The following ERCC4 variants were observed in gnomAD, a reference collection of about 807,000 sequenced individuals.
ERCC4 encodes DNA repair endonuclease XPF.
ERCC4 carries 65 observed loss-of-function variants against 76.9 expected under a neutral mutation model. The ratio of observed to expected loss-of-function variants is 0.84; its 90% CI spans 0.69 to 1.04. The LOEUF (loss-of-function observed/expected upper bound fraction) is 1.04, where lower values mean the gene tolerates loss of function less well. ERCC4 is among the 50% of genes least tolerant of loss of function. ERCC4 has a pLI of 0.00. For synonymous variants in ERCC4, 463 were observed against 410.1 expected, an observed-to-expected ratio of 1.13 and a Z score of -1.56; for missense variants, 1,214 against 1,128.2, an observed-to-expected ratio of 1.08 and a Z score of -1.09.
chr16:13,931,076 CGT>C lies in ERCC4; in HGVS notation c.973+187_973+188del. ...ATAGCTAATGTTTCCGCCTACTTAACGTCTGTTCTGTATAATAATAAATATTC... is the reference window on the plus strand; with the variant it reads ...ATAGCTAATGTTTCCGCCTACTTAACCTGTTCTGTATAATAATAAATATTC... On this transcript the variant is annotated intron_variant, in intron 5 of 10. Coordinates refer to ENST00000311895, the MANE Select transcript of ERCC4 (RefSeq NM_005236.3). 4.9e-6 allele frequency: 3 copies of C among 613,276 alleles called. No homozygotes were observed. The Admixed American group carries it at 8.3e-5, about 17-fold the overall frequency. The allele number at this position is 613,276 out of a possible 1,614,324, so 38.0% of individuals were successfully genotyped here.
chr16:13,928,004 G>C, intron 3 of ERCC4, 24 bp from the exon 4 acceptor site: 1 of 1,576,758 alleles, frequency 6.3e-7, no homozygotes, highest in Non-Finnish European at 8.7e-7. Context: ...CTAGAAAATT[G>C]TTGAAAAATA....
chr16:13,932,188 G>A lies in ERCC4; in HGVS notation c.1005G>A (p.Met335Ile). Residue 335 changes from methionine to isoleucine, a missense_variant, in exon 6 of 11, where the codon ATG becomes ATA. Physicochemically the swap from Met to Ile is conservative, Grantham distance 10. Transcript: ENST00000311895. ...TGTTTCTTGACTCCAGCACCTCGAT[G>A]TTTATAAATGCTCGAGCAAGGGTTT... is the stretch of plus-strand genomic sequence containing the variant. ...GWLFLDSSTS[M>I]FINARARVYH... is the part of the protein sequence containing the mutation. 2 of 1,613,474 alleles carry A rather than the reference G, an allele frequency of 1.2e-6. No homozygotes were observed. Among genetic ancestry groups the A allele is most frequent in the Non-Finnish European group, 1.7e-6 (2 of 1,179,448 alleles).
intron 2 of ERCC4, among the ~76,000 whole-genome samples, chr16:13,926,285 CA>C (rs1334019121): frequency 1.3e-5 from 2 of 152,210 alleles, no homozygotes; most frequent in African/African-American, 4.8e-5. Flanking sequence ...ATTCAGATAC[CA>C]CCTTGGTGAG....
At chr16:13,923,692 ATTAAG>A (rs1279696209) in intron 2 of ERCC4, among the ~76,000 whole-genome samples, 1 of 151,984 alleles carries the variant, frequency 6.6e-6, no homozygotes, top group Non-Finnish European at 1.5e-5. Flanking sequence ...TATTATAAGG[ATTAAG>A]TTAATAAAAT....
In ERCC4 at chr16:13,928,241, C is replaced by G; in HGVS notation, c.792+6C>G. Reference sequence around the variant, plus strand: ...TTGGAAAACCTTTTGACAAGGTACTCTTTTTCCTTTTAAGCACAGTTTATT... The same window carrying G: ...TTGGAAAACCTTTTGACAAGGTACTGTTTTTCCTTTTAAGCACAGTTTATT... On this transcript the variant is annotated splice_donor_region_variant and intron_variant, in intron 4 of 10. Coordinates refer to ENST00000311895, the MANE Select transcript of ERCC4 (RefSeq NM_005236.3). 2 of 1,573,650 alleles carry G rather than the reference C, an allele frequency of 1.3e-6. No individual in the cohort carries two copies. Among genetic ancestry groups the G allele is most frequent in the Non-Finnish European group, 1.7e-6 (2 of 1,144,270 alleles).
chr16:13,921,040 G>C (rs182925989), intron 1 of ERCC4, among the ~76,000 whole-genome samples: 105 of 152,304 alleles, frequency 6.9e-4, no homozygotes, highest in Admixed American at 1.3e-3. Context: ...AATAACGGGA[G>C]AGTCCTGAAG....
intron 5 of ERCC4, 199 bp downstream of exon 5, chr16:13,931,089 T>C (rs1158838477): frequency 8.5e-6 from 5 of 587,822 alleles, no homozygotes; most frequent in Non-Finnish European, 1.5e-5. Flanking sequence ...CTGTTCTGTA[T>C]AATAATAAAT....
rs751095195 is a variant in ERCC4, at chr16:13,920,287, C to G, written c.122C>G (p.Ala41Gly). 1.1e-5 allele frequency: 18 copies of G among 1,605,012 alleles called. No homozygotes were observed. Among genetic ancestry groups the G allele is most frequent in the Middle Eastern group, 1.7e-4 (1 of 5,974 alleles). ...GTAGTGTGCGCCCGCGGGCTCGGCG[C>G]GGACCGGCTCCTCTACCACTTTCTC... ...GLVVCARGLG[A>G]DRLLYHFLQL... The change falls in exon 1 of 11, where the codon GCG becomes GGG. Residue 41 changes from alanine (A) to glycine (G), a missense_variant. Ala to Gly is a moderately conservative substitution (Grantham distance 60, BLOSUM62 0). Coordinates refer to ENST00000311895, the MANE Select transcript of ERCC4 (RefSeq NM_005236.3).
intron 10 of ERCC4, among the ~76,000 whole-genome samples, chr16:13,945,637 C>A (rs568887126): frequency 6.6e-6 from 1 of 152,178 alleles, no homozygotes; most frequent in Non-Finnish European, 1.5e-5. Context: ...GAAATTCCAA[C>A]TCAGTGGATG....
chr16:13,926,626 T>C lies in ERCC4; in HGVS notation c.454T>C (p.Phe152Leu), dbSNP rs752672749. ...SCQEAFILRL[F>L]RQKNKRGFIK... is the part of the protein sequence containing the mutation. ...TCAAGAAGCATTCATCTTGCGCCTC[T>C]TTCGCCAGAAAAACAAACGTGGTTT... The change falls in exon 3 of 11, where the codon TTT becomes CTT. Residue 152 changes from phenylalanine (F) to leucine (L), a missense_variant. By Grantham distance (22) the Phe-to-Leu change is conservative (BLOSUM62 0). Transcript: ENST00000311895. 1 of 1,614,178 alleles carries C rather than the reference T, an allele frequency of 6.2e-7. No individual in the cohort carries two copies. The highest frequency in any genetic ancestry group is 8.5e-7 in the Non-Finnish European group (1 of 1,179,996).
chr16:13,927,537 C>G (rs915819409), intron 3 of ERCC4: 4 of 133,872 alleles, frequency 3.0e-5, no homozygotes, highest in Admixed American at 2.9e-4. Flanking sequence ...CCAGCCTGGG[C>G]AACGAGCGAA....
intron 6 of ERCC4, chr16:13,933,152 GA>G: frequency 3.2e-6 from 1 of 308,152 alleles, no homozygotes; most frequent in South Asian, 2.6e-5. Context: ...CCCAGGAGTT[GA>G]AGGTGACACC....
At chr16:13,931,090 A>T in intron 5 of ERCC4, 200 bp downstream of exon 5, 2 of 585,410 alleles carry the variant, frequency 3.4e-6, no homozygotes, top group South Asian at 4.3e-5. Flanking sequence ...TGTTCTGTAT[A>T]ATAATAAATA....
chr16:13,937,120 G>C (rs1443970957), intron 8 of ERCC4, among the ~76,000 whole-genome samples: 2 of 144,206 alleles, frequency 1.4e-5, no homozygotes, highest in African/African-American at 5.2e-5. Context: ...TGGGGTCTCA[G>C]TATATTACCC....
intron 9 of ERCC4, among the ~76,000 whole-genome samples, chr16:13,940,855 CAG>C (rs1447838200): frequency 1.3e-5 from 2 of 152,168 alleles, no homozygotes; most frequent in East Asian, 3.8e-4. Context: ...TGGAAACATG[CAG>C]AGTTTGAGCA....
chr16:13,939,851 G>A (rs910513625), intron 9 of ERCC4, among the ~76,000 whole-genome samples: 1 of 152,162 alleles, frequency 6.6e-6, no homozygotes, highest in African/African-American at 2.4e-5. Flanking sequence ...GATACTGGAT[G>A]TGGGCCAGTA....
In ERCC4 at chr16:13,920,386, G is replaced by A. The variant is rs924151322; in HGVS notation, c.207+14G>A. ...CCGGCCGAGGAGGTGCGGCCGCGCT[G>A]GCGCGGGAGTGAGGGGACTCCGAGA... On this transcript the variant is annotated intron_variant, in intron 1 of 10. Transcript: ENST00000311895. 1.3e-6 allele frequency: 2 copies of A among 1,552,322 alleles called. No individual in the cohort carries two copies. Among genetic ancestry groups the A allele is most frequent in the African/African-American group, 2.7e-5 (2 of 73,696 alleles).
At chr16:13,946,510 T>C (rs907046098) in intron 10 of ERCC4, among the ~76,000 whole-genome samples, 1 of 152,248 alleles carries the variant, frequency 6.6e-6, no homozygotes, top group Non-Finnish European at 1.5e-5. Context: ...CACTGTCTTA[T>C]ATGCACTTTG....
intron 2 of ERCC4, among the ~76,000 whole-genome samples, chr16:13,923,381 G>A (rs181865195): frequency 1.8e-4 from 27 of 152,256 alleles, no homozygotes; most frequent in Non-Finnish European, 3.4e-4. Context: ...TACTGTGATC[G>A]TTAGTGAACT....
Sources: allele counts gnomAD v4.1 joint callset (sites outside exome capture counted in the v4.1 genomes callset), GRCh38; gene constraint gnomAD v4.1.1; transcripts MANE v1.5; gene names NCBI Gene and HGNC (gene_info 2026-07-23, HGNC 2026-07-21).